RGS6: variants seen among roughly 807,000 people sequenced by gnomAD.
RGS6 encodes the protein regulator of G-protein signaling 6.
A neutral mutation model predicts 78.5 loss-of-function variants in RGS6; 30 were observed. The observed-to-expected ratio is 0.38, with a 90% CI of 0.29 to 0.52. The LOEUF is 0.52. Ranked by LOEUF, RGS6 falls within the 20% of genes least tolerant of loss-of-function variation. RGS6 has a pLI of 0.85. For synonymous variants in RGS6, 206 were observed against 206.0 expected (o/e 1.00, Z 0.00); for missense variants, 495 against 609.7 (o/e 0.81, Z 1.98).
At chr14:71,936,038 A>ATATATATATG (rs1229104278) in intron 1 of RGS6, among the ~76,000 whole-genome samples, 3 of 139,554 alleles carry the variant, frequency 2.1e-5, no homozygotes, top group Non-Finnish European at 3.1e-5. Flanking sequence ...ATATATATAT[A>ATATATATATG]TATGTACATA....
At chr14:72,156,149 G>A (rs191999200) in intron 2 of RGS6, among the ~76,000 whole-genome samples, 1 of 152,304 alleles carries the variant, frequency 6.6e-6, no homozygotes, top group Admixed American at 6.5e-5. Context: ...AGGAGTATGG[G>A]CAAAATAGTG....
At chr14:72,006,111 G>C (rs922594263) in intron 2 of RGS6, among the ~76,000 whole-genome samples, 3 of 152,108 alleles carry the variant, frequency 2.0e-5, no homozygotes, top group Non-Finnish European at 2.9e-5. Context: ...CTATAGGCAG[G>C]AGCTCTTCAA....
chr14:72,622,315 T>G, the RGS6 span, among the ~76,000 whole-genome samples: 2 of 152,018 alleles, frequency 1.3e-5, no homozygotes, highest in Admixed American at 1.3e-4. Context: ...AAAAAAAGAC[T>G]GAAAAGGAAC....
At chr14:72,012,169 C>T (rs1436556533) in intron 2 of RGS6, among the ~76,000 whole-genome samples, 1 of 151,868 alleles carries the variant, frequency 6.6e-6, no homozygotes, top group Non-Finnish European at 1.5e-5. Flanking sequence ...CATTTAATTG[C>T]TTATTAGGTG....
intron 17 of RGS6, among the ~76,000 whole-genome samples, chr14:72,545,360 C>T (rs1347818708): frequency 6.6e-6 from 1 of 152,232 alleles, no homozygotes; most frequent in Non-Finnish European, 1.5e-5. Flanking sequence ...AAGTGCATGT[C>T]CTGGGACTCT....
intron 3 of RGS6, among the ~76,000 whole-genome samples, chr14:72,354,471 CAA>C (rs56117958): frequency 5.2e-4 from 67 of 128,310 alleles, no homozygotes; most frequent in East Asian, 1.2e-3. Flanking sequence ...ACTAAAAATA[CAA>C]AAAAAAAAAA....
In RGS6 at chr14:72,457,981, A is replaced by G. The variant is rs140830591; in HGVS notation, c.236-290A>G. Among the ~76,000 whole-genome samples the G allele has an allele frequency of 6.2e-3, 944 of 152,344 alleles. 6 individuals carry two copies. The highest frequency in any genetic ancestry group is 8.2e-3 in the Non-Finnish European group (558 of 68,026). On this transcript the variant is annotated intron_variant, in intron 4 of 17. Coordinates refer to ENST00000553525, the MANE Select transcript of RGS6 (RefSeq NM_001204424.2). The stretch of plus-strand genomic sequence containing the variant: ...AGTTAAATACAGGTTCTTCTATGCC[A>G]GAACTTATGCCCTTGACCCTGAAGC...
rs368856782 is a variant in RGS6, at chr14:72,536,233, C to T, written c.1326C>T (p.Leu442=). The T allele has an allele frequency of 1.6e-5, 26 of 1,613,906 alleles. No homozygotes were observed. The African/African-American group carries it at 3.1e-4, about 19-fold the overall frequency. Residue 442 remains leucine, a synonymous_variant, in exon 16 of 18, where the codon CTC becomes CTT. Coordinates refer to ENST00000553525, the MANE Select transcript of RGS6 (RefSeq NM_001204424.2). ...LMKSDSYARF[L]RSNAYQDLLL... is the part of the protein sequence containing the mutation. ...AGAGTGACAGCTATGCCCGCTTCCT[C>T]CGGTCAAATGCTTACCAGGATTTGC...
chr14:72,241,447 T>A (rs1005882175), intron 2 of RGS6, among the ~76,000 whole-genome samples: 1 of 152,184 alleles, frequency 6.6e-6, no homozygotes. Context: ...TACAGCAAAT[T>A]CCTTTTTTTC....
chr14:72,423,001 T>G (rs2094266481), intron 3 of RGS6, among the ~76,000 whole-genome samples: 1 of 152,204 alleles, frequency 6.6e-6, no homozygotes, highest in Admixed American at 6.5e-5. Flanking sequence ...AGAATAAATT[T>G]CCATTGTTTT....
chr14:72,031,334 A>G (rs1373823761), intron 2 of RGS6, among the ~76,000 whole-genome samples: 1 of 152,148 alleles, frequency 6.6e-6, no homozygotes, highest in African/African-American at 2.4e-5. Context: ...TAATATTTGT[A>G]TGGACTGTTA....
At chr14:72,464,211 C>A (rs967910515) in intron 6 of RGS6, among the ~76,000 whole-genome samples, 4 of 152,202 alleles carry the variant, frequency 2.6e-5, no homozygotes, top group Non-Finnish European at 4.4e-5. Context: ...AATTCACCAG[C>A]AATTGCCTTA....
At chr14:72,205,085 A>T (rs1191194874) in intron 2 of RGS6, among the ~76,000 whole-genome samples, 1 of 152,130 alleles carries the variant, frequency 6.6e-6, no homozygotes, top group Non-Finnish European at 1.5e-5. Context: ...ACAAAATATG[A>T]TTCCTACATC....
intron 3 of RGS6, among the ~76,000 whole-genome samples, chr14:72,380,197 A>C (rs1170444089): frequency 2.0e-5 from 3 of 152,078 alleles, no homozygotes; most frequent in Admixed American, 1.3e-4. Flanking sequence ...CTAAATGCAA[A>C]ATCTGAAAAT....
the RGS6 span, among the ~76,000 whole-genome samples, chr14:72,622,155 T>C: frequency 1.5e-4 from 23 of 152,298 alleles, no homozygotes; most frequent in African/African-American, 5.5e-4. Context: ...TAGGTAGAAA[T>C]GTACATTTTT....
chr14:72,541,452 T>TTCCTCA, intron 17 of RGS6: 1 of 1,534,900 alleles, frequency 6.5e-7, no homozygotes, highest in Non-Finnish European at 8.7e-7. Context: ...TCTGTGGCCT[T>TTCCTCA]TCCTCATGAG....
chr14:71,956,345 G>GTT (rs1252532392), intron 1 of RGS6, among the ~76,000 whole-genome samples: 1 of 52,870 alleles, frequency 1.9e-5, no homozygotes, highest in Non-Finnish European at 3.6e-5. Context: ...GTGTGTGTGT[G>GTT]TGTGTGTGTG....
intron 2 of RGS6, among the ~76,000 whole-genome samples, chr14:72,091,613 C>T (rs527857249): frequency 3.3e-5 from 5 of 152,270 alleles, no homozygotes; most frequent in Middle Eastern, 3.4e-3. Context: ...AATCTTACTC[C>T]ATTTTACTTT....
intron 2 of RGS6, among the ~76,000 whole-genome samples, chr14:72,122,763 T>G (rs1390878920): frequency 2.0e-5 from 3 of 151,072 alleles, no homozygotes; most frequent in Non-Finnish European, 4.4e-5. Context: ...TTTTCCATTC[T>G]ATATACTCCC....
Sources: allele counts gnomAD v4.1 joint callset (sites outside exome capture counted in the v4.1 genomes callset), GRCh38; gene constraint gnomAD v4.1.1; transcripts MANE v1.5; gene names NCBI Gene and HGNC (gene_info 2026-07-23, HGNC 2026-07-21).